Variants in NPHP4 observed in about 807,000 individuals in gnomAD.
NPHP4 encodes nephrocystin 4.
A neutral mutation model predicts 155.8 loss-of-function variants in NPHP4; 151 were observed. That is an observed-to-expected ratio of 0.97 (90% CI 0.85 to 1.11). The LOEUF (loss-of-function observed/expected upper bound fraction) is 1.11. Ranked by LOEUF, NPHP4 falls within the 50% of genes least tolerant of loss-of-function variation. NPHP4 has a pLI of 0.00. For synonymous variants in NPHP4, 845 were observed against 816.8 expected (o/e 1.03, Z -0.59); for missense variants, 1,956 against 1,925.7 (o/e 1.02, Z -0.29).
intron 5 of NPHP4, among the ~76,000 whole-genome samples, chr1:5,963,339 G>A (rs1048038966): frequency 1.1e-4 from 17 of 152,030 alleles, no homozygotes; most frequent in Non-Finnish European, 1.8e-4. Context: ...AGGTTGCAGT[G>A]AGCCGAGATT....
chr1:5,888,086 G>A lies in NPHP4; in HGVS notation c.2305-620C>T, dbSNP rs908295575. 7.3e-4 allele frequency among the ~76,000 whole-genome samples: 111 copies of A among 152,324 alleles called. 1 individual carries two copies. The highest frequency in any genetic ancestry group is 1.2e-3 in the Non-Finnish European group (84 of 68,022). ...AGGGGCCATGGGGCACGAGAGGCCC[G>A]CCGGGAGCCCTGGGCTGGGGTTTGG... is the stretch of plus-strand genomic sequence containing the variant. On this transcript the variant is annotated intron_variant, in intron 17 of 29. Coordinates refer to ENST00000378156, the MANE Select transcript of NPHP4 (RefSeq NM_015102.5).
intron 11 of NPHP4, among the ~76,000 whole-genome samples, chr1:5,913,274 G>T (rs149663945): frequency 6.6e-6 from 1 of 152,096 alleles, no homozygotes; most frequent in South Asian, 2.1e-4. Flanking sequence ...AGCCAGATCT[G>T]AGAAGAGCAG....
At chr1:5,907,560 A>C (rs557606611) in intron 12 of NPHP4, among the ~76,000 whole-genome samples, 10 of 152,364 alleles carry the variant, frequency 6.6e-5, no homozygotes, top group African/African-American at 1.9e-4. Flanking sequence ...CCAGCACTGG[A>C]CTGAGCACCT....
At chr1:5,904,842 A>G (rs1446034277) in intron 15 of NPHP4, 38 bp from the exon 16 acceptor site, 2 of 1,599,294 alleles carry the variant, frequency 1.3e-6, no homozygotes, top group African/African-American at 1.3e-5. Context: ...CTGAGTATCC[A>G]TGGCACAGAA....
chr1:5,897,590 C>A (rs936893175), intron 16 of NPHP4, among the ~76,000 whole-genome samples: 1 of 152,136 alleles, frequency 6.6e-6, no homozygotes, highest in African/African-American at 2.4e-5. Flanking sequence ...ACCAGGTAAG[C>A]CCGGAACACG....
intron 16 of NPHP4, among the ~76,000 whole-genome samples, chr1:5,897,336 G>T (rs952328211): frequency 6.6e-6 from 1 of 152,108 alleles, no homozygotes; most frequent in South Asian, 2.1e-4. Context: ...CAGTTCAAAG[G>T]GAAAAAACTC....
intron 7 of NPHP4, among the ~76,000 whole-genome samples, chr1:5,950,654 C>T (rs1350328944): frequency 6.6e-6 from 1 of 152,150 alleles, no homozygotes; most frequent in Non-Finnish European, 1.5e-5. Context: ...TCCACGAGAG[C>T]AAGCCCAGAC....
intron 8 of NPHP4, 89 bp downstream of exon 8, chr1:5,947,981 G>A: frequency 2.0e-6 from 2 of 989,366 alleles, no homozygotes; most frequent in South Asian, 2.7e-5. Flanking sequence ...CCACGTGGGT[G>A]AGTCAACACC....
At chr1:5,929,924 G>C (rs1646192178) in intron 10 of NPHP4, among the ~76,000 whole-genome samples, 1 of 152,062 alleles carries the variant, frequency 6.6e-6, no homozygotes, top group African/African-American at 2.4e-5. Flanking sequence ...ATAGTGAATA[G>C]GCCTGAATAT....
At chr1:5,952,274 T>C (rs542768449) in intron 7 of NPHP4, among the ~76,000 whole-genome samples, 34 of 152,318 alleles carry the variant, frequency 2.2e-4, no homozygotes, top group African/African-American at 7.9e-4. Context: ...CCTCTGAACA[T>C]GGGAAGGGTT....
intron 11 of NPHP4, among the ~76,000 whole-genome samples, chr1:5,917,740 A>C (rs1243151648): frequency 2.0e-5 from 3 of 152,142 alleles, no homozygotes; most frequent in Non-Finnish European, 2.9e-5. Flanking sequence ...GAGCAAATAA[A>C]TGCACCAACT....
chr1:5,894,198 T>G (rs1162026141), intron 16 of NPHP4, among the ~76,000 whole-genome samples: 1 of 152,176 alleles, frequency 6.6e-6, no homozygotes, highest in South Asian at 2.1e-4. Context: ...CTCCATAAAG[T>G]AGAAATACTA....
chr1:5,952,860 G>A, intron 6 of NPHP4, 24 bp from the exon 7 acceptor site: 1 of 1,582,940 alleles, frequency 6.3e-7, no homozygotes, highest in Non-Finnish European at 8.6e-7. Context: ...GGTGCGAAAA[G>A]GGTCATCCTT....
At chr1:5,986,358 A>G (rs1321012066) in intron 1 of NPHP4, 31 bp from the exon 2 acceptor site, 1 of 1,571,396 alleles carries the variant, frequency 6.4e-7, no homozygotes, top group Non-Finnish European at 8.7e-7. Context: ...TAAAGAGAAG[A>G]GCTGTGAGGG....
rs772219240 is a variant in NPHP4 at position 5,947,226 on chromosome 1, C to T, written c.997G>A (p.Gly333Arg). ...CTTCTCAAAACCAGAGCTTGGCTCC[C>T]GGAGCTGGGTCAGAAACACAAACCA... Reference protein sequence around the residue: ...KVVSSSKTSSGSQALVLRSRL... With the variant: ...KVVSSSKTSSRSQALVLRSRL... The change falls in exon 9 of 30, where the codon GGG (glycine) becomes AGG (arginine). Residue 333 changes from glycine to arginine, a missense_variant. Transcript: ENST00000378156. The T allele has an allele frequency of 4.0e-5, 65 of 1,613,440 alleles. No homozygotes were observed. Among genetic ancestry groups the T allele is most frequent in the Middle Eastern group, 1.7e-4 (1 of 5,954 alleles).
At chr1:5,950,873 T>C (rs1647849973) in intron 7 of NPHP4, among the ~76,000 whole-genome samples, 1 of 152,060 alleles carries the variant, frequency 6.6e-6, no homozygotes, top group Non-Finnish European at 1.5e-5. Context: ...CAAAAGTCCA[T>C]CAACAGTAGA....
intron 23 of NPHP4, chr1:5,868,259 C>T (rs774649514): frequency 1.6e-5 from 6 of 370,948 alleles, no homozygotes; most frequent in Admixed American, 7.4e-5. Context: ...TGTGCATGTG[C>T]GCAAGTCAGG....
At chr1:5,962,599 T>C (rs893008525) in intron 5 of NPHP4, among the ~76,000 whole-genome samples, 22 of 152,124 alleles carry the variant, frequency 1.4e-4, no homozygotes, top group African/African-American at 5.3e-4. Flanking sequence ...CAGAGCCCTG[T>C]CCTCAGGGAG....
chr1:5,927,897 T>C, intron 10 of NPHP4, 110 bp from the exon 11 acceptor site: 1 of 1,165,742 alleles, frequency 8.6e-7, no homozygotes, highest in Non-Finnish European at 1.2e-6. Flanking sequence ...CTACGTGAAA[T>C]CAGAGGCTTC....
Sources: gnomAD v4.1 joint callset for allele counts (sites outside exome capture counted in the v4.1 genomes callset) on GRCh38, gnomAD v4.1.1 for gene constraint, MANE v1.5 for transcripts, NCBI Gene and HGNC (gene_info 2026-07-23, HGNC 2026-07-21) for gene names.